CRACR2A: variants seen among roughly 807,000 people sequenced by gnomAD.
CRACR2A encodes EF-hand calcium-binding domain-containing protein 4B.
In CRACR2A, 79 loss-of-function variants were observed where a neutral mutation model predicts 90.5. The ratio of observed to expected loss-of-function variants is 0.87; its 90% CI spans 0.73 to 1.05. The LOEUF is 1.05. Among genes scored for constraint, CRACR2A ranks in the 50% least tolerant of loss-of-function variants. CRACR2A has a pLI of 0.00. For missense variants in CRACR2A, 823 were observed against 897.2 expected, an observed-to-expected ratio of 0.92 and a Z score of 1.06; for synonymous variants, 338 against 356.7, an observed-to-expected ratio of 0.95 and a Z score of 0.59.
intron 4 of CRACR2A, among the ~76,000 whole-genome samples, chr12:3,694,738 T>C (rs1255804245): frequency 6.6e-6 from 1 of 152,154 alleles, no homozygotes; most frequent in Admixed American, 6.5e-5. Context: ...CCAGAGATGG[T>C]GCTTAAATGA....
intron 2 of CRACR2A, chr12:3,728,943 G>C (rs897667231): frequency 1.3e-5 from 2 of 152,200 alleles, no homozygotes; most frequent in Non-Finnish European, 2.9e-5. Context: ...ACCCAAGACA[G>C]CTGGAAGCCA....
intron 2 of CRACR2A, chr12:3,730,619 T>C (rs931663586): frequency 6.6e-6 from 1 of 152,108 alleles, no homozygotes; most frequent in Non-Finnish European, 1.5e-5. Context: ...ACTATGCCCC[T>C]GTAAAAAAAG....
At chr12:3,734,987 A>G (rs1591720975) in intron 1 of CRACR2A, among the ~76,000 whole-genome samples, 2 of 152,168 alleles carry the variant, frequency 1.3e-5, no homozygotes, top group Non-Finnish European at 2.9e-5. Flanking sequence ...GTATACTTGA[A>G]ATTTGCTAAG....
intron 17 of CRACR2A, among the ~76,000 whole-genome samples, chr12:3,621,006 C>T (rs958621591): frequency 2.0e-5 from 3 of 152,162 alleles, no homozygotes; most frequent in African/African-American, 7.2e-5. Flanking sequence ...CCACGGGATA[C>T]TTGTGCGAAG....
chr12:3,706,436 C>T (rs556635002), intron 3 of CRACR2A, among the ~76,000 whole-genome samples: 9 of 152,230 alleles, frequency 5.9e-5, no homozygotes, highest in African/African-American at 2.2e-4. Flanking sequence ...GGACAAATAC[C>T]ACCCCTTCTC....
intron 6 of CRACR2A, among the ~76,000 whole-genome samples, chr12:3,675,162 C>T (rs1171351732): frequency 6.6e-6 from 1 of 152,136 alleles, no homozygotes; most frequent in African/African-American, 2.4e-5. Context: ...CAGGAATCCT[C>T]AGGATAAAGA....
Position 3,711,858 on chromosome 12 carries a change from G to C in CRACR2A, c.-37+1379C>G, listed in dbSNP as rs974627453. Reference sequence around the variant, plus strand: ...GATGCTATACTGAGGTGGAATAAAAGGCCATCCAAAGGGCTAAATTTTGAC... The same window carrying C: ...GATGCTATACTGAGGTGGAATAAAACGCCATCCAAAGGGCTAAATTTTGAC... On this transcript the variant is annotated intron_variant, in intron 3 of 19. Transcript: ENST00000440314. This position sits in a 1 kb window ranked among gnomAD's most constrained non-coding sequence, Gnocchi z 4.3. Among the ~76,000 whole-genome samples, 1 of 152,166 alleles carries C rather than the reference G, an allele frequency of 6.6e-6. No homozygotes were observed. Among genetic ancestry groups the C allele is most frequent in the Non-Finnish European group, 1.5e-5 (1 of 68,032 alleles).
intron 7 of CRACR2A, among the ~76,000 whole-genome samples, chr12:3,664,880 G>T (rs539123884): frequency 6.6e-6 from 1 of 152,298 alleles, no homozygotes; most frequent in African/African-American, 2.4e-5. Flanking sequence ...GGTGGTACAC[G>T]TCTGTAGCCC....
At position 3,640,777 on chromosome 12, in the gene CRACR2A, C is replaced by T. The variant is rs1238963514; in HGVS notation, c.1271+955G>A. On this transcript the variant is annotated intron_variant, in intron 13 of 19. Coordinates refer to ENST00000440314, the MANE Select transcript of CRACR2A (RefSeq NM_001144958.2). The stretch of plus-strand genomic sequence containing the variant: ...CGGGATGCCTCTATCTCTCTGTGGC[C>T]ATCTATGTGGACACAGCACATGCCA... 4.6e-6 allele frequency: 6 copies of T among 1,305,236 alleles called. No individual in the cohort carries two copies. In the East Asian group the frequency reaches 2.8e-4, roughly 60 times the overall value. The allele number at this position is 1,305,236 out of a possible 1,614,324, so 80.9% of individuals were successfully genotyped here.
At chr12:3,727,678 G>C (rs933735440) in intron 2 of CRACR2A, 1 of 152,062 alleles carries the variant, frequency 6.6e-6, no homozygotes, top group Non-Finnish European at 1.5e-5. Flanking sequence ...CCGGGCTTTT[G>C]GCTTAACTTC....
intron 13 of CRACR2A, chr12:3,640,467 T>C (rs974458203): frequency 2.6e-5 from 30 of 1,162,146 alleles, no homozygotes; most frequent in Non-Finnish European, 3.0e-5. Flanking sequence ...TTTACAGAAC[T>C]CAAAAGAATG....
intron 4 of CRACR2A, among the ~76,000 whole-genome samples, chr12:3,680,758 T>C (rs1159300044): frequency 6.6e-6 from 1 of 152,222 alleles, no homozygotes; most frequent in Non-Finnish European, 1.5e-5. Context: ...AATCCAGCTC[T>C]GATTCCAAAG....
In CRACR2A at chr12:3,733,067, G is replaced by T. The variant is rs1475181869; in HGVS notation, c.-243C>A. ...ATCCGGCTCCTGCAGGGTTTTTCTTGTGCTAAGTGCCCAGTGGAGGCTCTG... is the reference window on the plus strand; with the variant it reads ...ATCCGGCTCCTGCAGGGTTTTTCTTTTGCTAAGTGCCCAGTGGAGGCTCTG... On this transcript the variant is annotated 5_prime_UTR_variant, in exon 2 of 20. Transcript: ENST00000440314. 1 of 152,392 alleles carries T rather than the reference G, an allele frequency of 6.6e-6. No homozygotes were observed. The highest frequency in any genetic ancestry group is 6.5e-5 in the Admixed American group (1 of 15,276). 9.4% of individuals were successfully genotyped at this position (152,392 alleles called of 1,614,324 possible).
chr12:3,657,412 G>A (rs1269628135), intron 8 of CRACR2A, among the ~76,000 whole-genome samples: 1 of 152,234 alleles, frequency 6.6e-6, no homozygotes, highest in African/African-American at 2.4e-5. Context: ...CTAGACGGGT[G>A]TCCTGGCATG....
intron 10 of CRACR2A, among the ~76,000 whole-genome samples, chr12:3,653,842 C>T (rs1024958398): frequency 6.6e-6 from 1 of 152,210 alleles, no homozygotes; most frequent in Non-Finnish European, 1.5e-5. Context: ...GCTCACTCAG[C>T]ATTTGCCCAC....
intron 1 of CRACR2A, among the ~76,000 whole-genome samples, chr12:3,745,795 T>TAAAAA: frequency 1.9e-4 from 1 of 5,158 alleles, no homozygotes; most frequent in African/African-American, 5.0e-4. Context: ...TAAAATAAAA[T>TAAAAA]AAAATAAAAT....
At chr12:3,742,654 C>T (rs959988193) in intron 1 of CRACR2A, among the ~76,000 whole-genome samples, 3 of 152,324 alleles carry the variant, frequency 2.0e-5, no homozygotes, top group Non-Finnish European at 2.9e-5. Flanking sequence ...CTGGCCAGAA[C>T]GTCACTGGTT....
chr12:3,712,374 G>A (rs1226501683), intron 3 of CRACR2A, among the ~76,000 whole-genome samples: 2 of 152,230 alleles, frequency 1.3e-5, no homozygotes, highest in African/African-American at 4.8e-5. Context: ...TGCAAGCATG[G>A]TGCGAACATC....
At chr12:3,668,846 G>T (rs996076515) in intron 7 of CRACR2A, among the ~76,000 whole-genome samples, 3 of 152,204 alleles carry the variant, frequency 2.0e-5, no homozygotes, top group African/African-American at 7.2e-5. Context: ...GGGCCTGTGA[G>T]CTCCTAAGAA....
Sources: gnomAD v4.1 joint callset for allele counts (sites outside exome capture counted in the v4.1 genomes callset) on GRCh38, gnomAD v4.1.1 for gene constraint, Gnocchi (gnomAD v3.1) non-coding constraint, MANE v1.5 for transcripts, NCBI Gene and HGNC (gene_info 2026-07-23, HGNC 2026-07-21) for gene names.